CASQ2: variants seen among roughly 807,000 people sequenced by gnomAD.
CASQ2 encodes calsequestrin 2.
In CASQ2, 49 loss-of-function variants were observed where a neutral mutation model predicts 46.5. The ratio of observed to expected loss-of-function variants is 1.05; its 90% confidence interval spans 0.84 to 1.34. The LOEUF (loss-of-function observed/expected upper bound fraction) is 1.34, where lower values mean the gene tolerates loss of function less well. CASQ2 is among the 40% of genes most tolerant of loss of function. CASQ2 has a pLI of 0.00. For synonymous variants in CASQ2, 174 were observed against 168.5 expected (o/e 1.03, Z -0.25); for missense variants, 486 against 481.3 (o/e 1.01, Z -0.09).
rs544678858 is a variant in CASQ2, at chr1:115,766,485, T to G, written c.234+1823A>C. Among the ~76,000 whole-genome samples, 15 of 152,360 alleles carry G rather than the reference T, an allele frequency of 9.8e-5. No individual in the cohort carries two copies. The East Asian group carries it at 2.5e-3, about 25-fold the overall frequency. ...GCATTTAATCAACATTATTATTATTTAATCATTTCTTAAGCTGCATGATAG... is the reference window on the plus strand; with the variant it reads ...GCATTTAATCAACATTATTATTATTGAATCATTTCTTAAGCTGCATGATAG... On this transcript the variant is annotated intron_variant, in intron 1 of 10. Transcript: ENST00000261448.
In CASQ2 at chr1:115,700,433, T is replaced by C. The variant is rs1015062488; in HGVS notation, c.*808A>G. On this transcript the variant is annotated 3_prime_UTR_variant, in exon 11 of 11. Transcript: ENST00000261448. ...AAGCCAGCTGACCCAATCAGAGACA[T>C]GAACCCATCAGAAAAATGTAAAAGT... 5 of 152,936 alleles carry C rather than the reference T, an allele frequency of 3.3e-5. No homozygotes were observed. Among genetic ancestry groups the C allele is most frequent in the African/African-American group, 1.2e-4 (5 of 41,458 alleles). 9.5% of individuals were successfully genotyped at this position (152,936 alleles called of 1,614,324 possible). A position where few individuals can be genotyped will look rare whatever the true frequency, so the allele number is the denominator to read the frequency against.
Position 115,740,717 on chromosome 1 carries a change from T to A in CASQ2, c.420+11A>T. On this transcript the variant is annotated intron_variant, in intron 3 of 10. Transcript: ENST00000261448. ...CAGCTCCATGCAGGGTCACTGTGTA[T>A]AAATACTTACATCCAAGAGGAACTC... 1.3e-6 allele frequency: 2 copies of A among 1,554,698 alleles called. No homozygotes were observed. Among genetic ancestry groups the A allele is most frequent in the Non-Finnish European group, 1.8e-6 (2 of 1,125,710 alleles).
intron 5 of CASQ2, among the ~76,000 whole-genome samples, chr1:115,727,876 T>C (rs77574574): frequency 0.068 from 10,395 of 152,218 alleles, 473 homozygotes; most frequent in Middle Eastern, 0.12. Flanking sequence ...AGGAAGACAT[T>C]TTCTCTCTGG....
chr1:115,754,069 A>T (rs900384998), intron 1 of CASQ2, among the ~76,000 whole-genome samples: 2 of 152,142 alleles, frequency 1.3e-5, no homozygotes, highest in South Asian at 2.1e-4. Flanking sequence ...ATGTCAAGCA[A>T]TTCAACAACT....
intron 9 of CASQ2, among the ~76,000 whole-genome samples, chr1:115,704,140 A>G (rs1047571012): frequency 6.6e-6 from 1 of 152,146 alleles, no homozygotes; most frequent in Admixed American, 6.5e-5. Context: ...CCTCCTCTAC[A>G]TAGGGCTGAT....
chr1:115,756,776 G>A (rs542094072), intron 1 of CASQ2, among the ~76,000 whole-genome samples: 27 of 152,116 alleles, frequency 1.8e-4, no homozygotes, highest in Middle Eastern at 3.4e-3. Context: ...ACGAAACCCC[G>A]TATCTACTAA....
intron 8 of CASQ2, among the ~76,000 whole-genome samples, chr1:115,717,041 A>G (rs1654723210): frequency 6.6e-6 from 1 of 152,036 alleles, no homozygotes; most frequent in South Asian, 2.1e-4. Flanking sequence ...GGTTATATAA[A>G]AGTGTGTGGC....
At chr1:115,761,516 A>AGAAGAAGAAGAAGAG (rs1648959937) in intron 1 of CASQ2, among the ~76,000 whole-genome samples, 1 of 104,962 alleles carries the variant, frequency 9.5e-6, no homozygotes, top group African/African-American at 3.8e-5. Flanking sequence ...AAGAAGAAGA[A>AGAAGAAGAAGAAGAG]GAAGAAGAAG....
chr1:115,707,073 G>A (rs1055630167), intron 8 of CASQ2, among the ~76,000 whole-genome samples: 3 of 151,278 alleles, frequency 2.0e-5, no homozygotes, highest in Non-Finnish European at 2.9e-5. Context: ...GCTGGAGTGC[G>A]TGGTGGGATC....
chr1:115,714,967 T>G (rs1450266165), intron 8 of CASQ2, among the ~76,000 whole-genome samples: 1 of 152,220 alleles, frequency 6.6e-6, no homozygotes, highest in South Asian at 2.1e-4. Context: ...AGCAGCAATC[T>G]CGGTCAAACA....
intron 1 of CASQ2, among the ~76,000 whole-genome samples, chr1:115,752,225 T>C (rs1407562427): frequency 2.0e-5 from 3 of 152,210 alleles, no homozygotes; most frequent in East Asian, 1.9e-4. Flanking sequence ...TTTCCCTTTT[T>C]ACCCTTGATC....
rs753529543 is a variant in CASQ2, at chr1:115,768,291, G to T, written c.234+17C>A. The T allele has an allele frequency of 1.3e-6, 2 of 1,529,244 alleles. No homozygotes were observed. The highest frequency in any genetic ancestry group is 1.8e-6 in the Non-Finnish European group (2 of 1,102,948). The allele number at this position is 1,529,244 out of a possible 1,614,324, so 94.7% of individuals were successfully genotyped here. A position where few individuals can be genotyped will look rare whatever the true frequency, so the allele number is the denominator to read the frequency against. ...CTCACTGAGGCAGCGCAGACAGCAT[G>T]CCCTTTGGTTACTTACCTCAAGCAC... On this transcript the variant is annotated intron_variant, in intron 1 of 10. Transcript: ENST00000261448.
chr1:115,739,946 C>T (rs1003246609), intron 3 of CASQ2, among the ~76,000 whole-genome samples: 1 of 152,098 alleles, frequency 6.6e-6, no homozygotes, highest in African/African-American at 2.4e-5. Flanking sequence ...GGGTGTGAGT[C>T]AATGAGATGG....
chr1:115,704,050 T>C (rs566212997), intron 9 of CASQ2, among the ~76,000 whole-genome samples: 34 of 152,352 alleles, frequency 2.2e-4, no homozygotes, highest in African/African-American at 7.9e-4. Flanking sequence ...CAGTCTTATA[T>C]GGCCATGACT....
chr1:115,710,440 C>T (rs1020144277), intron 8 of CASQ2, among the ~76,000 whole-genome samples: 8 of 152,182 alleles, frequency 5.3e-5, no homozygotes, highest in Admixed American at 4.6e-4. Flanking sequence ...CTGTCTCCTA[C>T]CCTCTGAGGT....
chr1:115,723,303 ATT>A (rs1647454527), intron 7 of CASQ2, among the ~76,000 whole-genome samples: 2 of 142,244 alleles, frequency 1.4e-5, no homozygotes, highest in Admixed American at 1.4e-4. Context: ...ATATCTATCT[ATT>A]TATCTATCTA....
At chr1:115,723,834 T>C (rs1168103248) in intron 7 of CASQ2, among the ~76,000 whole-genome samples, 1 of 152,204 alleles carries the variant, frequency 6.6e-6, no homozygotes, top group Non-Finnish European at 1.5e-5. Flanking sequence ...TCACTATGCC[T>C]AGCGATAAGA....
At chr1:115,744,993 T>C (rs758568289) in intron 1 of CASQ2, 81 bp from the exon 2 acceptor site, 11 of 1,004,524 alleles carry the variant, frequency 1.1e-5, no homozygotes, top group Non-Finnish European at 1.6e-5. Context: ...TCCTCATGTA[T>C]CAATGGAAGG....
chr1:115,759,982 T>C (rs1648883470), intron 1 of CASQ2, among the ~76,000 whole-genome samples: 1 of 152,152 alleles, frequency 6.6e-6, no homozygotes, highest in East Asian at 1.9e-4. Flanking sequence ...TCAAATAGGG[T>C]AATACTTCTC....
Sources: allele counts gnomAD v4.1 joint callset (sites outside exome capture counted in the v4.1 genomes callset), GRCh38; gene constraint gnomAD v4.1.1; transcripts MANE v1.5; gene names NCBI Gene and HGNC (gene_info 2026-07-23, HGNC 2026-07-21).